The following USH2A variants were observed in gnomAD, a reference collection of about 807,000 sequenced individuals.
The protein encoded by USH2A is usherin, also known as Usher syndrome 2A (autosomal recessive, mild).
In USH2A, 443 loss-of-function variants were observed where a neutral mutation model predicts 538.9. That is an observed-to-expected ratio of 0.82 (90% confidence interval 0.76 to 0.89). The LOEUF (loss-of-function observed/expected upper bound fraction) is 0.89, where lower values mean the gene tolerates loss of function less well. USH2A is among the 40% of genes least tolerant of loss of function. USH2A has a pLI of 0.00. For missense variants in USH2A, 6,633 were observed against 6,324.8 expected (o/e 1.05, Z -1.65); for synonymous variants, 2,413 against 2,273.5 (o/e 1.06, Z -1.75).
Position 215,728,277 on chromosome 1 carries a change from T to A in USH2A, c.11819A>T (p.Tyr3940Phe). ...CTTGGAGTTACAGGCTCTGACCCGATATTCGTAGAGTGTGAAAGGCCTCAG... is the reference window on the plus strand; with the variant it reads ...CTTGGAGTTACAGGCTCTGACCCGAAATTCGTAGAGTGTGAAAGGCCTCAG... Reference protein sequence around the residue: ...DTLRPFTLYEYRVRACNSKGS... With the variant: ...DTLRPFTLYEFRVRACNSKGS... Residue 3940 changes from tyrosine to phenylalanine, a missense_variant, in exon 61 of 72, where the codon TAT becomes TTT. Tyr to Phe is a conservative substitution (Grantham distance 22, BLOSUM62 3). Coordinates refer to ENST00000307340, the MANE Select transcript of USH2A (RefSeq NM_206933.4). 1.2e-6 allele frequency: 2 copies of A among 1,614,134 alleles called. No homozygotes were observed. Among genetic ancestry groups the A allele is most frequent in the Non-Finnish European group, 1.7e-6 (2 of 1,180,020 alleles).
intron 64 of USH2A, 109 bp downstream of exon 64, chr1:215,670,863 A>T (rs1249897458): frequency 1.8e-6 from 2 of 1,112,330 alleles, no homozygotes; most frequent in Non-Finnish European, 2.7e-6. Context: ...TATTCTCCTT[A>T]AGTCCTACAT....
intron 46 of USH2A, among the ~76,000 whole-genome samples, chr1:215,842,883 G>A (rs1490175432): frequency 2.0e-5 from 3 of 151,966 alleles, no homozygotes; most frequent in Non-Finnish European, 4.4e-5. Flanking sequence ...CCTGGTAGAT[G>A]GGTTGTTAGG....
Position 216,313,565 on chromosome 1 carries a change from C to G in USH2A, c.1644+8318G>C, listed in dbSNP as rs1344689162. On this transcript the variant is annotated intron_variant, in intron 9 of 71. Coordinates refer to ENST00000307340, the MANE Select transcript of USH2A (RefSeq NM_206933.4). ...CATATAACCTTATTTTTATTTAACG[C>G]AGTAAATTTTCCTCTATATTTATCC... 3.3e-5 allele frequency among the ~76,000 whole-genome samples: 5 copies of G among 152,078 alleles called. No individual in the cohort carries two copies. The East Asian group carries it at 9.6e-4, about 29-fold the overall frequency.
In USH2A at chr1:216,167,427, G is replaced by A. The variant is rs565739315; in HGVS notation, c.4627+7825C>T. 9.2e-5 allele frequency among the ~76,000 whole-genome samples: 14 copies of A among 152,222 alleles called. No individual in the cohort carries two copies. The East Asian group carries it at 9.7e-4, about 11-fold the overall frequency. On this transcript the variant is annotated intron_variant, in intron 21 of 71. Transcript: ENST00000307340. ...GATGGGTGAGTGGGCTCAAGCATGC[G>A]CACTAAGAGGCAAAATGTTGGCGCT...
intron 37 of USH2A, among the ~76,000 whole-genome samples, chr1:215,938,248 C>T (rs1353650215): frequency 6.6e-6 from 1 of 152,096 alleles, no homozygotes; most frequent in Non-Finnish European, 1.5e-5. Flanking sequence ...GTTCAATTCA[C>T]AGACCTAGAG....
intron 62 of USH2A, among the ~76,000 whole-genome samples, chr1:215,678,067 C>T (rs956125278): frequency 3.9e-5 from 6 of 152,168 alleles, no homozygotes; most frequent in African/African-American, 4.8e-5. Flanking sequence ...AATGTATCTT[C>T]GATTCACCTA....
At chr1:215,821,721 T>A (rs1240731951) in intron 47 of USH2A, among the ~76,000 whole-genome samples, 1 of 151,834 alleles carries the variant, frequency 6.6e-6, no homozygotes, top group Admixed American at 6.6e-5. Flanking sequence ...AATGCTTTCT[T>A]CTATTGGTTT....
chr1:216,213,419 T>C (rs1310239782), intron 15 of USH2A, among the ~76,000 whole-genome samples: 1 of 152,076 alleles, frequency 6.6e-6, no homozygotes, highest in African/African-American at 2.4e-5. Context: ...TTGAATATGA[T>C]GTTAGCTATG....
In USH2A at chr1:216,000,676, T is replaced by C. The variant is rs1358618235; in HGVS notation, c.6326-114A>G. 18 of 1,290,854 alleles carry C rather than the reference T, an allele frequency of 1.4e-5. No individual in the cohort carries two copies. The East Asian group carries it at 3.9e-4, about 28-fold the overall frequency. The allele number at this position is 1,290,854 out of a possible 1,614,324, so 80.0% of individuals were successfully genotyped here. A position where few individuals can be genotyped will look rare whatever the true frequency, so the allele number is the denominator to read the frequency against. On this transcript the variant is annotated intron_variant, in intron 32 of 71. Coordinates refer to ENST00000307340, the MANE Select transcript of USH2A (RefSeq NM_206933.4). ...AATTGTTAAGATAAGGCTTAAAATATGAATAAATAGCCATAAAAATCAATA... is the reference window on the plus strand; with the variant it reads ...AATTGTTAAGATAAGGCTTAAAATACGAATAAATAGCCATAAAAATCAATA...
intron 3 of USH2A, among the ~76,000 whole-genome samples, chr1:216,378,890 G>A (rs2038883967): frequency 6.6e-6 from 1 of 151,804 alleles, no homozygotes; most frequent in Admixed American, 6.6e-5. Context: ...TTCATTTTCT[G>A]AAACTTTTTG....
chr1:216,041,543 G>T (rs1039801451), intron 32 of USH2A, among the ~76,000 whole-genome samples: 34 of 152,062 alleles, frequency 2.2e-4, no homozygotes, highest in African/African-American at 8.2e-4. Flanking sequence ...ACAAGTAAAT[G>T]AAGTAGGAGT....
At chr1:215,807,675 T>C (rs1662541237) in intron 49 of USH2A, among the ~76,000 whole-genome samples, 1 of 152,110 alleles carries the variant, frequency 6.6e-6, no homozygotes, top group South Asian at 2.1e-4. Flanking sequence ...CTTGGCCTCA[T>C]AGGATCAACA....
intron 20 of USH2A, among the ~76,000 whole-genome samples, chr1:216,187,208 G>A (rs191358608): frequency 7.9e-4 from 120 of 151,842 alleles, no homozygotes; most frequent in Non-Finnish European, 1.5e-3. Context: ...CCTTCCCATA[G>A]CATTTTTTTC....
intron 48 of USH2A, 55 bp from the exon 49 acceptor site, chr1:215,813,959 C>G: frequency 6.5e-7 from 1 of 1,550,346 alleles, no homozygotes; most frequent in South Asian, 1.1e-5. Flanking sequence ...GAGTGTTATA[C>G]CACTGTATCT....
chr1:215,673,923 C>A (rs1354288105), intron 63 of USH2A, among the ~76,000 whole-genome samples, 177 bp downstream of exon 63: 8 of 152,106 alleles, frequency 5.3e-5, no homozygotes, highest in African/African-American at 1.9e-4. Context: ...GGAGGTTATG[C>A]AAGCAGGCTT....
intron 3 of USH2A, among the ~76,000 whole-genome samples, chr1:216,416,842 G>C (rs2039585645): frequency 1.3e-5 from 2 of 151,954 alleles, no homozygotes; most frequent in Non-Finnish European, 1.5e-5. Flanking sequence ...TGTCATTGTT[G>C]ATACAAAAAT....
intron 15 of USH2A, among the ~76,000 whole-genome samples, chr1:216,211,518 C>T (rs938959394): frequency 2.0e-5 from 3 of 152,106 alleles, no homozygotes; most frequent in African/African-American, 7.2e-5. Context: ...TATAAAATTC[C>T]ATGTACTATG....
chr1:216,077,516 T>G (rs2031791038), intron 27 of USH2A, among the ~76,000 whole-genome samples: 1 of 150,822 alleles, frequency 6.6e-6, no homozygotes, highest in South Asian at 2.1e-4. Flanking sequence ...CATCTGTAAA[T>G]ACAGATAATG....
At position 216,246,681 on chromosome 1, in the gene USH2A, A is replaced by G. The variant is rs751048819; in HGVS notation, c.2713T>C (p.Leu905=). The G allele has an allele frequency of 5.6e-6, 9 of 1,614,046 alleles. No homozygotes were observed. The highest frequency in any genetic ancestry group is 7.6e-6 in the Non-Finnish European group (9 of 1,179,990). ...CAAATGGTCCCAGGTAATGTCCCCA[A>G]GGAATCACACTCACACATCTGGCAG... ...QHCQMCECDS[L]GTLPGTICDP... The change falls in exon 13 of 72, where the codon TTG becomes CTG. Residue 905 remains leucine (L), a synonymous_variant. Coordinates refer to ENST00000307340, the MANE Select transcript of USH2A (RefSeq NM_206933.4).
Sources: allele counts gnomAD v4.1 joint callset (sites outside exome capture counted in the v4.1 genomes callset), GRCh38; gene constraint gnomAD v4.1.1; transcripts MANE v1.5; gene names NCBI Gene and HGNC (gene_info 2026-07-23, HGNC 2026-07-21).